The following AKAP7 variants were observed in gnomAD, a reference collection of about 807,000 sequenced individuals.
AKAP7 encodes A kinase (PRKA) anchor protein 7.
In AKAP7, 39 loss-of-function variants were observed where a neutral mutation model predicts 39.5. The ratio of observed to expected loss-of-function variants is 0.99; its 90% confidence interval spans 0.76 to 1.29. The LOEUF (loss-of-function observed/expected upper bound fraction) is 1.29, where lower values mean the gene tolerates loss of function less well. Among genes scored for constraint, AKAP7 ranks in the 50% most tolerant of loss-of-function variants. The pLI, the probability that AKAP7 is intolerant of heterozygous loss-of-function variation, is 0.00. For synonymous variants in AKAP7, 140 were observed against 139.1 expected, an observed-to-expected ratio of 1.01 and a Z score of -0.05; for missense variants, 414 against 407.7, an observed-to-expected ratio of 1.02 and a Z score of -0.13.
In AKAP7 at chr6:131,241,627, G is replaced by GTGTGTGTGTGTGTGTGTGTGTA; in HGVS notation, c.850+21820_850+21821insGTGTGTGTGTGTGTGTGTGTAT. On this transcript the variant is annotated intron_variant, in intron 7 of 7. Transcript: ENST00000431975. ...TGTGTGTGTGTGTGTGTGTGTGTGT[G>GTGTGTGTGTGTGTGTGTGTGTA]TATATATATATGACAGTTATAGGAT... Among the ~76,000 whole-genome samples, 74 of 86,666 alleles carry GTGTGTGTGTGTGTGTGTGTGTA rather than the reference G, an allele frequency of 8.5e-4. 3 individuals are homozygous for GTGTGTGTGTGTGTGTGTGTGTA. Among genetic ancestry groups the GTGTGTGTGTGTGTGTGTGTGTA allele is most frequent in the African/African-American group, 3.3e-3 (67 of 20,050 alleles). The allele number at this position is 86,666 out of a possible 152,430, so 56.9% of individuals were successfully genotyped here.
At chr6:131,129,853 T>A in the AKAP7 span, among the ~76,000 whole-genome samples, 1 of 152,246 alleles carries the variant, frequency 6.6e-6, no homozygotes, top group African/African-American at 2.4e-5. Flanking sequence ...TAGAACTGCA[T>A]GATGTCATCC....
At chr6:131,269,064 CT>C (rs201175148) in intron 7 of AKAP7, among the ~76,000 whole-genome samples, 1 of 151,562 alleles carries the variant, frequency 6.6e-6, no homozygotes, top group Non-Finnish European at 1.5e-5. Flanking sequence ...ATACATACTA[CT>C]TTTTTTTTGG....
intron 6 of AKAP7, among the ~76,000 whole-genome samples, chr6:131,211,740 T>C (rs1585099070): frequency 7.9e-6 from 1 of 126,326 alleles, no homozygotes; most frequent in East Asian, 2.3e-4. Context: ...GCCACTGCAC[T>C]CCAGCCTGGG....
chr6:131,228,903 G>A (rs138135550), intron 7 of AKAP7, among the ~76,000 whole-genome samples: 1 of 152,278 alleles, frequency 6.6e-6, no homozygotes, highest in Non-Finnish European at 1.5e-5. Flanking sequence ...TTTCACGTAA[G>A]AATGTTCTTG....
chr6:131,273,268 C>A (rs1814444105), intron 7 of AKAP7, among the ~76,000 whole-genome samples: 1 of 151,914 alleles, frequency 6.6e-6, no homozygotes, highest in East Asian at 1.9e-4. Context: ...ATTTTTTAAT[C>A]CAAATCAACA....
chr6:131,264,693 C>G (rs1562253064), intron 7 of AKAP7, among the ~76,000 whole-genome samples: 1 of 152,084 alleles, frequency 6.6e-6, no homozygotes. Flanking sequence ...CAAGGAATAC[C>G]TGAGACTGGG....
intron 7 of AKAP7, among the ~76,000 whole-genome samples, chr6:131,233,433 A>G (rs1489731670): frequency 6.6e-6 from 1 of 152,184 alleles, no homozygotes. Flanking sequence ...GCATAATAAA[A>G]TAGTTGTTAT....
chr6:131,145,654 C>T (rs1004280366), intron 2 of AKAP7, among the ~76,000 whole-genome samples: 4 of 152,230 alleles, frequency 2.6e-5, no homozygotes, highest in African/African-American at 9.6e-5. Context: ...AGTAATCCTC[C>T]CACCTCAGCT....
At chr6:131,249,320 A>G (rs1812262770) in intron 7 of AKAP7, among the ~76,000 whole-genome samples, 1 of 152,220 alleles carries the variant, frequency 6.6e-6, no homozygotes, top group Non-Finnish European at 1.5e-5. Context: ...TTGAAAACAG[A>G]TACTAGTGTT....
chr6:131,245,369 C>T (rs940016664), intron 7 of AKAP7, among the ~76,000 whole-genome samples: 13 of 151,118 alleles, frequency 8.6e-5, no homozygotes, highest in Admixed American at 2.0e-4. Flanking sequence ...CTCAGCATCC[C>T]GAGTAGCTGG....
Position 131,246,101 on chromosome 6 carries a change from A to G in AKAP7, c.850+26293A>G, listed in dbSNP as rs931348142. Among the ~76,000 whole-genome samples the G allele has an allele frequency of 1.7e-3, 257 of 149,916 alleles. 1 individual carries two copies. Among genetic ancestry groups the G allele is most frequent in the African/African-American group, 5.7e-3 (236 of 41,192 alleles). ...AGGTTTCTCAGAAGTCCAAATATAT[A>G]TATATATATATATATATGTTCAGTT... On this transcript the variant is annotated intron_variant, in intron 7 of 7. Transcript: ENST00000431975.
chr6:131,178,584 G>C (rs1258134529), intron 5 of AKAP7, among the ~76,000 whole-genome samples: 3 of 152,134 alleles, frequency 2.0e-5, no homozygotes, highest in Non-Finnish European at 4.4e-5. Flanking sequence ...TCCCATTCTA[G>C]TTGCCATTTA....
chr6:131,150,212 G>A (rs1347144129), intron 2 of AKAP7, among the ~76,000 whole-genome samples: 1 of 152,068 alleles, frequency 6.6e-6, no homozygotes, highest in African/African-American at 2.4e-5. Context: ...ATAGTAAAAT[G>A]CTTATAATTC....
Position 131,249,929 on chromosome 6 carries a change from G to A in AKAP7, c.850+30121G>A, listed in dbSNP as rs1205309599. ...AGGAATTTAAAAGATATGCCGTACC[G>A]TACAGATAACAGTCGATAGCCTCTT... On this transcript the variant is annotated intron_variant, in intron 7 of 7. Transcript: ENST00000431975. 3.0e-4 allele frequency among the ~76,000 whole-genome samples: 45 copies of A among 151,426 alleles called. 1 individual carries two copies. Among genetic ancestry groups the A allele is most frequent in the Admixed American group, 2.6e-3 (40 of 15,234 alleles).
chr6:131,263,305 C>G (rs947968222), intron 7 of AKAP7, among the ~76,000 whole-genome samples: 5 of 152,180 alleles, frequency 3.3e-5, no homozygotes, highest in Non-Finnish European at 7.3e-5. Flanking sequence ...AGGGCTCTGG[C>G]TTCCAGAAGC....
chr6:131,159,141 T>C (rs1802698462), intron 2 of AKAP7, among the ~76,000 whole-genome samples: 1 of 152,162 alleles, frequency 6.6e-6, no homozygotes, highest in Non-Finnish European at 1.5e-5. Flanking sequence ...TCGCCCAGGC[T>C]GGACTGCAGT....
rs985728608 is a variant in AKAP7 at position 131,135,791 on chromosome 6, G to C, written c.19+9G>C. The C allele has an allele frequency of 3.0e-5, 37 of 1,228,024 alleles. 1 individual carries two copies. In the Middle Eastern group the frequency reaches 9.4e-4, roughly 31 times the overall value. 76.1% of individuals were successfully genotyped at this position (1,228,024 alleles called of 1,614,324 possible). The stretch of plus-strand genomic sequence containing the variant: ...GGAGCGCCCCGAAGCGGGTGAGACC[G>C]GGCTGTCCAGCGGGCCGGGGCGGGG... On this transcript the variant is annotated intron_variant, in intron 1 of 7. Coordinates refer to ENST00000431975, the MANE Select transcript of AKAP7 (RefSeq NM_016377.4).
intron 6 of AKAP7, among the ~76,000 whole-genome samples, chr6:131,209,417 A>T (rs1034004613): frequency 1.3e-5 from 2 of 151,700 alleles, no homozygotes; most frequent in African/African-American, 2.4e-5. Flanking sequence ...TGCCCGGCTA[A>T]TTTTTTGTAT....
chr6:131,178,494 A>C (rs1050580379), intron 5 of AKAP7, among the ~76,000 whole-genome samples: 2 of 152,162 alleles, frequency 1.3e-5, no homozygotes, highest in African/African-American at 4.8e-5. Flanking sequence ...TGACGTTAGC[A>C]TCCTACACCC....
Sources: allele counts gnomAD v4.1 joint callset (sites outside exome capture counted in the v4.1 genomes callset), GRCh38; gene constraint gnomAD v4.1.1; transcripts MANE v1.5; gene names NCBI Gene and HGNC (gene_info 2026-07-23, HGNC 2026-07-21).